SRCIN1: variants seen among roughly 807,000 people sequenced by gnomAD.
SRCIN1 encodes the protein SRC kinase signaling inhibitor 1.
In SRCIN1, 50 loss-of-function variants were observed where a neutral mutation model predicts 116.2. That is an observed-to-expected ratio of 0.43 (90% CI 0.34 to 0.54). SRCIN1 has a LOEUF of 0.54. Ranked by LOEUF, SRCIN1 falls within the 20% of genes least tolerant of loss-of-function variation. The pLI, the probability that SRCIN1 is intolerant of heterozygous loss-of-function variation, is 0.02. For missense variants in SRCIN1, 1,446 were observed against 1,672.0 expected (o/e 0.86, Z 2.36); for synonymous variants, 736 against 750.0 (o/e 0.98, Z 0.30).
chr17:38,598,319 T>C (rs1381972731), intron 1 of SRCIN1, among the ~76,000 whole-genome samples: 2 of 152,190 alleles, frequency 1.3e-5, no homozygotes, highest in African/African-American at 4.8e-5. Flanking sequence ...AGGCCTTCCC[T>C]ACGAGCTGGG....
intron 1 of SRCIN1, among the ~76,000 whole-genome samples, chr17:38,603,631 A>T (rs1326050452): frequency 2.6e-5 from 4 of 152,112 alleles, no homozygotes; most frequent in Non-Finnish European, 5.9e-5. Flanking sequence ...GGGGGACTGG[A>T]CAAAGACCCT....
In SRCIN1 at chr17:38,558,107, A is replaced by C. The variant is rs1905922148; in HGVS notation, c.2201+120T>G. 1 of 1,165,106 alleles carries C rather than the reference A, an allele frequency of 8.6e-7. No homozygotes were observed. The highest frequency in any genetic ancestry group is 1.2e-6 in the Non-Finnish European group (1 of 821,366). The allele number at this position is 1,165,106 out of a possible 1,614,324, so 72.2% of individuals were successfully genotyped here. A position where few individuals can be genotyped will look rare whatever the true frequency, so the allele number is the denominator to read the frequency against. On this transcript the variant is annotated intron_variant, in intron 11 of 18. Coordinates refer to ENST00000617146, the MANE Select transcript of SRCIN1 (RefSeq NM_025248.3). This position sits in a 1 kb window ranked among gnomAD's most constrained non-coding sequence, Gnocchi z 4.6. ...CCAGAGGAGAATGAAATCAGGCTTC[A>C]GAACAGACCAACGCCACCTGTGACT...
intron 17 of SRCIN1, among the ~76,000 whole-genome samples, chr17:38,547,236 C>T (rs1205350777): frequency 6.6e-6 from 1 of 152,202 alleles, no homozygotes; most frequent in African/African-American, 2.4e-5. Flanking sequence ...CCTGTGGTGT[C>T]CTGGCCCCCA....
chr17:38,544,094 C>T lies in SRCIN1; in HGVS notation c.3271-125G>A, dbSNP rs984539021. ...AGTGGGGCCCTTTGAGACCTGGAGA[C>T]CCCTCTCTAGCTCCACACCCGAGTC... is the stretch of plus-strand genomic sequence containing the variant. On this transcript the variant is annotated intron_variant, in intron 17 of 18. Transcript: ENST00000617146. The surrounding 1 kb of genome is among the most constrained non-coding windows in gnomAD (Gnocchi z 4.5). 1.7e-6 allele frequency: 2 copies of T among 1,199,208 alleles called. No homozygotes were observed. The highest frequency in any genetic ancestry group is 2.3e-6 in the Non-Finnish European group (2 of 882,192). The allele number at this position is 1,199,208 out of a possible 1,614,324, so 74.3% of individuals were successfully genotyped here.
rs886676362 is a variant in SRCIN1, at chr17:38,586,257, C to T, written c.23-7466G>A. 7.2e-5 allele frequency among the ~76,000 whole-genome samples: 11 copies of T among 152,198 alleles called. 1 individual carries two copies. The highest frequency in any genetic ancestry group is 1.6e-4 in the Non-Finnish European group (11 of 68,020). On this transcript the variant is annotated intron_variant, in intron 1 of 18. Transcript: ENST00000617146. ...TGACAAGGAGGACAGAGAAGAGGGT[C>T]GAGGCCAGGGAGGATCGAGGCCATC...
At chr17:38,597,271 G>A (rs1567886132) in intron 1 of SRCIN1, among the ~76,000 whole-genome samples, 1 of 152,192 alleles carries the variant, frequency 6.6e-6, no homozygotes, top group Non-Finnish European at 1.5e-5. Flanking sequence ...CAAAAGTGAA[G>A]GCTTAGGAGC....
chr17:38,597,000 G>A (rs564499979), intron 1 of SRCIN1, among the ~76,000 whole-genome samples: 6 of 152,032 alleles, frequency 3.9e-5, no homozygotes, highest in Non-Finnish European at 5.9e-5. Flanking sequence ...CCTTCCTGCC[G>A]GGAGACACTG....
intron 1 of SRCIN1, 107 bp downstream of exon 1, chr17:38,605,577 G>A (rs914098910): frequency 4.4e-6 from 4 of 912,890 alleles, no homozygotes; most frequent in Admixed American, 4.6e-5. Flanking sequence ...TCCCCGGCCC[G>A]GCCGCCGCCC....
chr17:38,561,389 C>T (rs764025719), intron 7 of SRCIN1, 74 bp downstream of exon 7: 50 of 1,406,268 alleles, frequency 3.6e-5, no homozygotes, highest in Non-Finnish European at 4.3e-5. Context: ...ACACCTGCCA[C>T]GGACTCTGCT....
rs1567863751 is a variant in SRCIN1, at chr17:38,560,110, G to A, written c.1794-13C>T. On this transcript the variant is annotated splice_polypyrimidine_tract_variant and intron_variant, in intron 8 of 18. Transcript: ENST00000617146. ...TTCAATCTTCTCGCTGTGGCACAGG[G>A]AAAAAAGCCATCAGGGGGTCCAGGC... The A allele has an allele frequency of 1.9e-6, 3 of 1,542,584 alleles. No individual in the cohort carries two copies. The highest frequency in any genetic ancestry group is 2.4e-5 in the South Asian group (2 of 82,426).
At chr17:38,573,521 T>C (rs1907224769) in intron 2 of SRCIN1, among the ~76,000 whole-genome samples, 1 of 152,100 alleles carries the variant, frequency 6.6e-6, no homozygotes, top group African/African-American at 2.4e-5. Context: ...GCTCAAGCGC[T>C]CCCCTTTCCT....
Position 38,552,013 on chromosome 17 carries a change from G to T in SRCIN1, c.2600C>A (p.Pro867His), listed in dbSNP as rs766406988. 1 of 1,613,954 alleles carries T rather than the reference G, an allele frequency of 6.2e-7. No individual in the cohort carries two copies. ...GCTCAGCTCATGCAGGTTCAGCGGG[G>T]GGCTGGGGGGTGGCATTTCGAAGTC... Reference protein sequence around the residue: ...SVDFEMPPPSPPLNLHELSGP... With the variant: ...SVDFEMPPPSHPLNLHELSGP... Residue 867 changes from proline to histidine, a missense_variant, in exon 14 of 19, where the codon CCC (proline) becomes CAC (histidine). Coordinates refer to ENST00000617146, the MANE Select transcript of SRCIN1 (RefSeq NM_025248.3). This position sits in a 1 kb window ranked among gnomAD's most constrained non-coding sequence, Gnocchi z 5.3.
At chr17:38,593,604 G>A (rs1398749546) in intron 1 of SRCIN1, among the ~76,000 whole-genome samples, 1 of 152,184 alleles carries the variant, frequency 6.6e-6, no homozygotes, top group Admixed American at 6.5e-5. Flanking sequence ...GGACAGTTGT[G>A]AGGATGAAAT....
At chr17:38,584,568 G>T (rs1479681903) in intron 1 of SRCIN1, among the ~76,000 whole-genome samples, 2 of 152,236 alleles carry the variant, frequency 1.3e-5, no homozygotes, top group Non-Finnish European at 2.9e-5. Context: ...ACAGGTGCTT[G>T]GGAAGAGTGA....
At chr17:38,559,560 G>C (rs1204180740) in intron 10 of SRCIN1, 25 bp downstream of exon 10, 5 of 1,591,210 alleles carry the variant, frequency 3.1e-6, no homozygotes, top group Non-Finnish European at 3.4e-6. Context: ...GCGTTGGTGG[G>C]GCGGGGCCCA....
intron 18 of SRCIN1, chr17:38,543,232 G>C (rs1904860183): frequency 4.4e-6 from 2 of 456,138 alleles, no homozygotes; most frequent in African/African-American, 4.0e-5. Flanking sequence ...ACCTTGCAAA[G>C]ACGGGAGGTG....
intron 18 of SRCIN1, among the ~76,000 whole-genome samples, chr17:38,537,331 T>C (rs1474734259): frequency 1.3e-5 from 2 of 151,312 alleles, no homozygotes; most frequent in Admixed American, 6.6e-5. Flanking sequence ...CAAAACCCCA[T>C]CTCTATCAAA....
chr17:38,537,950 A>G (rs1025580177), intron 18 of SRCIN1, among the ~76,000 whole-genome samples: 1 of 149,980 alleles, frequency 6.7e-6, no homozygotes, highest in African/African-American at 2.5e-5. Flanking sequence ...AAATACAAAA[A>G]TTAGCTGGGG....
At chr17:38,565,416 T>G (rs1361216857) in intron 3 of SRCIN1, among the ~76,000 whole-genome samples, 1 of 152,248 alleles carries the variant, frequency 6.6e-6, no homozygotes, top group East Asian at 1.9e-4. Flanking sequence ...TATATTTTTT[T>G]GTAAAACAAA....
Sources: allele counts gnomAD v4.1 joint callset (sites outside exome capture counted in the v4.1 genomes callset), GRCh38; gene constraint gnomAD v4.1.1; non-coding constraint Gnocchi (gnomAD v3.1); transcripts MANE v1.5; gene names NCBI Gene and HGNC (gene_info 2026-07-23, HGNC 2026-07-21).